PGR: variants seen among roughly 807,000 people sequenced by gnomAD.
PGR encodes nuclear receptor subfamily 3 group C member 3.
Under a neutral mutation model 76.1 loss-of-function variants are expected in PGR, and 25 were observed. The ratio of observed to expected loss-of-function variants is 0.33; its 90% CI spans 0.24 to 0.46. The LOEUF (loss-of-function observed/expected upper bound fraction) is 0.46, where lower values mean the gene tolerates loss of function less well. Ranked by LOEUF, PGR falls within the 20% of genes least tolerant of loss-of-function variation. The pLI, the probability that PGR is intolerant of heterozygous loss-of-function variation, is 1.00. For synonymous variants in PGR, 579 were observed against 535.0 expected, an observed-to-expected ratio of 1.08 and a Z score of -1.14; for missense variants, 1,172 against 1,225.3, an observed-to-expected ratio of 0.96 and a Z score of 0.65.
rs11571143 is a variant in PGR at position 101,128,923 on chromosome 11, C to T, written c.148G>A (p.Ala50Thr). 1,384 of 1,613,148 alleles carry T rather than the reference C, an allele frequency of 8.6e-4. 16 individuals carry two copies. In the South Asian group the frequency reaches 0.014, roughly 17 times the overall value. ...AGCCCGTCCAGGGAGATAGGTATGGCCGAAACTTCAGGCAAGGTGTCCGAG... is the reference window on the plus strand; with the variant it reads ...AGCCCGTCCAGGGAGATAGGTATGGTCGAAACTTCAGGCAAGGTGTCCGAG... ...QTSDTLPEVS[A>T]IPISLDGLLF... The change falls in exon 1 of 8, where the codon GCC becomes ACC. Residue 50 changes from alanine to threonine, a missense_variant. By Grantham distance (58) the Ala-to-Thr change is moderately conservative. This residue lies in a region of PGR where 893 missense variants were observed against 785.9 expected (regional missense o/e 1.14). Coordinates refer to ENST00000325455, the MANE Select transcript of PGR (RefSeq NM_000926.4).
At chr11:101,060,934 T>C (rs979793249) in intron 4 of PGR, among the ~76,000 whole-genome samples, 1 of 152,210 alleles carries the variant, frequency 6.6e-6, no homozygotes, top group Non-Finnish European at 1.5e-5. Flanking sequence ...ACTTAGCTTT[T>C]ATCCAAAGTG....
At chr11:101,096,384 G>A (rs1380248870) in intron 2 of PGR, among the ~76,000 whole-genome samples, 2 of 152,114 alleles carry the variant, frequency 1.3e-5, no homozygotes, top group South Asian at 4.1e-4. Flanking sequence ...CAAAATATGG[G>A]GAGTACAGTT....
intron 2 of PGR, among the ~76,000 whole-genome samples, chr11:101,117,268 T>C (rs1348675450): frequency 1.3e-5 from 2 of 152,196 alleles, no homozygotes; most frequent in African/African-American, 4.8e-5. Context: ...TGCTTATTAG[T>C]GAGTTGAGCC....
intron 6 of PGR, among the ~76,000 whole-genome samples, chr11:101,045,555 T>A (rs1859843002): frequency 6.6e-6 from 1 of 152,326 alleles, no homozygotes; most frequent in African/African-American, 2.4e-5. Flanking sequence ...ACATGTGGTA[T>A]CTGACTTTGT....
chr11:101,094,770 T>C (rs7128626), intron 2 of PGR, among the ~76,000 whole-genome samples: 2,999 of 152,314 alleles, frequency 0.02, 77 homozygotes, highest in African/African-American at 0.056. Context: ...TTTGCTTCCT[T>C]CTTGCTATGG....
Position 101,049,863 on chromosome 11 carries a change from G to T in PGR, c.2488+66C>A. ...TCATACATAACTATATAATCATATT[G>T]TTTGCAACTTTTCTAATGAATTAAG... On this transcript the variant is annotated intron_variant, in intron 6 of 7. Transcript: ENST00000325455. 2.9e-6 allele frequency: 4 copies of T among 1,370,210 alleles called. No individual in the cohort carries two copies. In the Admixed American group the frequency reaches 6.8e-5, roughly 23 times the overall value. The allele number at this position is 1,370,210 out of a possible 1,614,324, so 84.9% of individuals were successfully genotyped here.
intron 3 of PGR, among the ~76,000 whole-genome samples, chr11:101,083,769 G>T (rs1450451923): frequency 1.3e-5 from 2 of 152,096 alleles, no homozygotes; most frequent in Non-Finnish European, 2.9e-5. Context: ...TACCCCTATT[G>T]TATCTTGGAA....
chr11:101,127,349 G>T lies in PGR; in HGVS notation c.1637+85C>A, dbSNP rs965558927. 12 of 1,058,622 alleles carry T rather than the reference G, an allele frequency of 1.1e-5. No homozygotes were observed. The South Asian group carries it at 2.0e-4, about 18-fold the overall frequency. The allele number at this position is 1,058,622 out of a possible 1,614,324, so 65.6% of individuals were successfully genotyped here. On this transcript the variant is annotated intron_variant, in intron 1 of 7. Coordinates refer to ENST00000325455, the MANE Select transcript of PGR (RefSeq NM_000926.4). ...CCGGGGAGCGCAGCGGTGCGCTGGG[G>T]CTGGGGCTGAGGGTTGGCGGCCGCC...
chr11:101,063,636 G>A (rs660541), intron 3 of PGR: 65,241 of 152,128 alleles, frequency 0.43, 15,705 homozygotes, highest in East Asian at 0.77. Flanking sequence ...TGCCAGGCAA[G>A]GGCTACTTAT....
chr11:101,035,020 T>C lies in PGR; in HGVS notation c.*4096A>G, dbSNP rs535554501. ...CTTAGTGAAGTAAGGATAAGCAATTTAGGACTTGGTGAACTTTTGCTAGAC... is the reference window on the plus strand; with the variant it reads ...CTTAGTGAAGTAAGGATAAGCAATTCAGGACTTGGTGAACTTTTGCTAGAC... On this transcript the variant is annotated 3_prime_UTR_variant, in exon 8 of 8. Transcript: ENST00000325455. The C allele has an allele frequency of 1.0e-3, 209 of 199,632 alleles. No individual in the cohort carries two copies. Among genetic ancestry groups the C allele is most frequent in the Non-Finnish European group, 1.9e-3 (187 of 96,718 alleles). The allele number at this position is 199,632 out of a possible 1,614,324, so 12.4% of individuals were successfully genotyped here.
At chr11:101,058,639 T>A (rs1860376459) in intron 4 of PGR, among the ~76,000 whole-genome samples, 1 of 152,212 alleles carries the variant, frequency 6.6e-6, no homozygotes, top group Non-Finnish European at 1.5e-5. Flanking sequence ...AGACAAAATT[T>A]ATGCAACGGA....
chr11:101,082,931 G>A (rs1276932856), intron 3 of PGR, among the ~76,000 whole-genome samples: 4 of 152,210 alleles, frequency 2.6e-5, no homozygotes, highest in Non-Finnish European at 2.9e-5. Context: ...TAGTAAAGAG[G>A]AGTCAAATGT....
chr11:101,113,593 T>C (rs1212559892), intron 2 of PGR, among the ~76,000 whole-genome samples: 1 of 152,278 alleles, frequency 6.6e-6, no homozygotes, highest in East Asian at 1.9e-4. Flanking sequence ...AGTATCATAC[T>C]ACTGAGACAC....
At position 101,091,854 on chromosome 11, in the gene PGR, A is replaced by G; in HGVS notation, c.1812T>C (p.Ala604=). The change falls in exon 3 of 8, where the codon GCT becomes GCC. Residue 604 remains alanine, a synonymous_variant. Transcript: ENST00000325455. ...TATCAACGATGCAGTCATTTCTTCCAGCACATAAGTAGTTGTGCTGCCCTA... is the reference window on the plus strand; with the variant it reads ...TATCAACGATGCAGTCATTTCTTCCGGCACATAAGTAGTTGTGCTGCCCTA... ...AMEGQHNYLC[A]GRNDCIVDKI... 4 of 1,603,818 alleles carry G rather than the reference A, an allele frequency of 2.5e-6. No individual in the cohort carries two copies. Among genetic ancestry groups the G allele is most frequent in the Non-Finnish European group, 3.4e-6 (4 of 1,170,758 alleles).
chr11:101,052,249 T>C (rs1234452672), intron 4 of PGR, among the ~76,000 whole-genome samples: 2 of 151,532 alleles, frequency 1.3e-5, no homozygotes, highest in Non-Finnish European at 2.9e-5. Context: ...AACTTCCGTG[T>C]GGCTTAAGAG....
chr11:101,101,515 A>G (rs1260718811), intron 2 of PGR, among the ~76,000 whole-genome samples: 1 of 152,212 alleles, frequency 6.6e-6, no homozygotes, highest in Non-Finnish European at 1.5e-5. Flanking sequence ...ATAGAAATAG[A>G]GAATCATCCT....
rs200742742 is a variant in PGR, at chr11:101,039,291, G to A, written c.2647-20C>T. On this transcript the variant is annotated intron_variant, in intron 7 of 7. Transcript: ENST00000325455. Reference sequence around the variant, plus strand: ...GACAAGCTGTTGGTTTAACAAATGAGTAGAAAACATGTAATAAAAATAATA... The same window carrying A: ...GACAAGCTGTTGGTTTAACAAATGAATAGAAAACATGTAATAAAAATAATA... 839 of 1,570,932 alleles carry A rather than the reference G, an allele frequency of 5.3e-4. 1 individual carries two copies. Among genetic ancestry groups the A allele is most frequent in the Non-Finnish European group, 5.6e-4 (635 of 1,142,308 alleles).
At chr11:101,066,289 G>C (rs1419401048) in intron 3 of PGR, among the ~76,000 whole-genome samples, 1 of 152,162 alleles carries the variant, frequency 6.6e-6, no homozygotes, top group Non-Finnish European at 1.5e-5. Context: ...CTTAACCCGG[G>C]TAAGTACTTA....
At chr11:101,059,871 GAAA>G (rs1431082412) in intron 4 of PGR, among the ~76,000 whole-genome samples, 2 of 135,672 alleles carry the variant, frequency 1.5e-5, no homozygotes, top group African/African-American at 5.3e-5. Flanking sequence ...AGAAAAAAAA[GAAA>G]AGAAACAAAA....
Sources: gnomAD v4.1 joint callset for allele counts (sites outside exome capture counted in the v4.1 genomes callset) on GRCh38, gnomAD v4.1.1 for gene constraint, gnomAD v4.1.1 regional missense constraint, MANE v1.5 for transcripts, NCBI Gene and HGNC (gene_info 2026-07-23, HGNC 2026-07-21) for gene names.